The following SNX13 variants were observed in gnomAD, a reference collection of about 807,000 sequenced individuals.
SNX13 encodes the protein sorting nexin 13, also known as sorting nexin-13.
SNX13 carries 45 observed loss-of-function variants against 133.6 expected under a neutral mutation model. That is an observed-to-expected ratio of 0.34 (90% CI 0.27 to 0.43). The LOEUF is 0.43. SNX13 is among the 20% of genes least tolerant of loss of function. The pLI is 1.00. For missense variants in SNX13, 1,032 were observed against 1,145.1 expected, an observed-to-expected ratio of 0.90 and a Z score of 1.43; for synonymous variants, 414 against 373.9, an observed-to-expected ratio of 1.11 and a Z score of -1.24.
chr7:17,850,033 G>C (rs958892838), intron 11 of SNX13, among the ~76,000 whole-genome samples: 2 of 152,014 alleles, frequency 1.3e-5, no homozygotes, highest in African/African-American at 4.8e-5. Context: ...CTTCTAAAAA[G>C]TACCCAACTC....
At chr7:17,933,300 T>G (rs370155785) in intron 1 of SNX13, among the ~76,000 whole-genome samples, 2 of 152,206 alleles carry the variant, frequency 1.3e-5, no homozygotes, top group South Asian at 4.1e-4. Flanking sequence ...TCCCAGCACT[T>G]TGGGAGGCCG....
chr7:17,882,509 G>A (rs2128365993), intron 5 of SNX13: 1 of 152,072 alleles, frequency 6.6e-6, no homozygotes, highest in Admixed American at 6.6e-5. Context: ...TATATTAAAA[G>A]GTTTAAATAA....
intron 5 of SNX13, chr7:17,882,517 T>C (rs1795466940): frequency 6.6e-6 from 1 of 152,216 alleles, no homozygotes; most frequent in African/African-American, 2.4e-5. Context: ...AAGGTTTAAA[T>C]AAATTTTGTT....
At chr7:17,824,774 CT>C (rs35168851) in intron 17 of SNX13, among the ~76,000 whole-genome samples, 57 of 146,890 alleles carry the variant, frequency 3.9e-4, no homozygotes, top group Middle Eastern at 3.5e-3. Flanking sequence ...GAAGAAATAA[CT>C]TTTTTTTTTT....
intron 9 of SNX13, among the ~76,000 whole-genome samples, chr7:17,863,349 G>A (rs1256672530): frequency 6.6e-6 from 1 of 152,122 alleles, no homozygotes; most frequent in East Asian, 1.9e-4. Context: ...ACCAGCTATG[G>A]TGGCCAGCAG....
chr7:17,844,047 A>G (rs1248215006), intron 12 of SNX13, among the ~76,000 whole-genome samples: 1 of 151,978 alleles, frequency 6.6e-6, no homozygotes, highest in Non-Finnish European at 1.5e-5. Context: ...ACCCAAAGCT[A>G]GCAGAAGGAA....
rs1460604722 is a variant in SNX13 at position 17,893,403 on chromosome 7, T to C, written c.157A>G (p.Thr53Ala). 1.3e-6 allele frequency: 2 copies of C among 1,568,298 alleles called. No individual in the cohort carries two copies. The highest frequency in any genetic ancestry group is 1.7e-6 in the Non-Finnish European group (2 of 1,155,036). The change falls in exon 3 of 26, where the codon ACA (threonine) becomes GCA (alanine). Residue 53 changes from threonine (T) to alanine (A), a missense_variant. Coordinates refer to ENST00000428135, the MANE Select transcript of SNX13 (RefSeq NM_015132.5). ...TGTTCTAGGTACTTCTCTGAGTTTGTTTTTCCAAACAGGAGAGTAACCACT... is the reference window on the plus strand; with the variant it reads ...TGTTCTAGGTACTTCTCTGAGTTTGCTTTTCCAAACAGGAGAGTAACCACT... ...GLVVTLLFGK[T>A]NSEKYLEQCE...
chr7:17,866,288 C>G lies in SNX13; in HGVS notation c.837+2119G>C, dbSNP rs143515128. Reference sequence around the variant, plus strand: ...GAATATATAAGGAACTCAAACAACTCAATAGGAAAAAAAAAAAAAGAATCC... The same window carrying G: ...GAATATATAAGGAACTCAAACAACTGAATAGGAAAAAAAAAAAAAGAATCC... On this transcript the variant is annotated intron_variant, in intron 9 of 25. Coordinates refer to ENST00000428135, the MANE Select transcript of SNX13 (RefSeq NM_015132.5). 3.2e-4 allele frequency among the ~76,000 whole-genome samples: 46 copies of G among 143,932 alleles called. 1 individual carries two copies. The East Asian group carries it at 9.2e-3, about 29-fold the overall frequency. The allele number at this position is 143,932 out of a possible 152,430, so 94.4% of individuals were successfully genotyped here.
At chr7:17,794,716 T>C (rs1783865739) in intron 25 of SNX13, 1 of 153,524 alleles carries the variant, frequency 6.5e-6, no homozygotes, top group Admixed American at 6.5e-5. Context: ...GTAAACTTTG[T>C]AATATTATAC....
At chr7:17,920,318 T>C (rs1799993653) in intron 1 of SNX13, among the ~76,000 whole-genome samples, 1 of 152,156 alleles carries the variant, frequency 6.6e-6, no homozygotes, top group Non-Finnish European at 1.5e-5. Flanking sequence ...GTTACCAAAT[T>C]TACCATTTTA....
At chr7:17,835,862 GTTT>G (rs1213644197) in intron 13 of SNX13, among the ~76,000 whole-genome samples, 1 of 151,910 alleles carries the variant, frequency 6.6e-6, no homozygotes, top group Non-Finnish European at 1.5e-5. Context: ...GGTGGTTGTT[GTTT>G]TGAGGGGGAT....
chr7:17,930,745 G>T (rs563924299), intron 1 of SNX13, among the ~76,000 whole-genome samples: 2 of 152,148 alleles, frequency 1.3e-5, no homozygotes, highest in South Asian at 2.1e-4. Flanking sequence ...GGCCCATTAG[G>T]AATCAGGCCG....
intron 1 of SNX13, among the ~76,000 whole-genome samples, chr7:17,916,734 C>G (rs912928167): frequency 6.6e-6 from 1 of 150,624 alleles, no homozygotes; most frequent in African/African-American, 2.4e-5. Context: ...ACCAGATATA[C>G]AAAGAAGAGT....
At chr7:17,839,450 T>C (rs1211993980) in intron 13 of SNX13, among the ~76,000 whole-genome samples, 1 of 151,944 alleles carries the variant, frequency 6.6e-6, no homozygotes, top group Non-Finnish European at 1.5e-5. Context: ...AATGTACATA[T>C]GTTTAATACA....
intron 5 of SNX13, chr7:17,888,915 C>G (rs1291540888): frequency 3.7e-6 from 1 of 270,726 alleles, no homozygotes; most frequent in Non-Finnish European, 7.4e-6. Context: ...AATGCAAACT[C>G]AAGTTTTCAG....
intron 19 of SNX13, among the ~76,000 whole-genome samples, chr7:17,815,945 A>G (rs540198548): frequency 1.3e-5 from 2 of 152,344 alleles, no homozygotes; most frequent in African/African-American, 4.8e-5. Context: ...AAACACAAAC[A>G]AGCAAAATCC....
intron 11 of SNX13, among the ~76,000 whole-genome samples, chr7:17,847,621 A>T (rs1427748166): frequency 6.6e-6 from 1 of 152,240 alleles, no homozygotes; most frequent in Non-Finnish European, 1.5e-5. Context: ...ACCTAAGGGT[A>T]TTTAAGAAAT....
intron 1 of SNX13, among the ~76,000 whole-genome samples, chr7:17,916,796 C>T (rs989387990): frequency 2.6e-5 from 4 of 152,074 alleles, no homozygotes; most frequent in Admixed American, 1.3e-4. Flanking sequence ...GGAGGGATTC[C>T]TCCCTAACTC....
At chr7:17,843,762 T>A (rs1464856419) in intron 12 of SNX13, among the ~76,000 whole-genome samples, 1 of 151,954 alleles carries the variant, frequency 6.6e-6, no homozygotes, top group Admixed American at 6.6e-5. Flanking sequence ...AATAACAAAA[T>A]TAAAACTGGA....
Sources: gnomAD v4.1 joint callset for allele counts (sites outside exome capture counted in the v4.1 genomes callset) on GRCh38, gnomAD v4.1.1 for gene constraint, MANE v1.5 for transcripts, NCBI Gene and HGNC (gene_info 2026-07-23, HGNC 2026-07-21) for gene names.